The following RCHY1 variants were observed in gnomAD, a reference collection of about 807,000 sequenced individuals.
The protein encoded by RCHY1 is ring finger and CHY zinc finger domain containing 1, also known as RING finger and CHY zinc finger domain-containing protein 1.
Under a neutral mutation model 41.6 loss-of-function variants are expected in RCHY1, and 21 were observed. The ratio of observed to expected loss-of-function variants is 0.51; its 90% confidence interval spans 0.36 to 0.73. The LOEUF (loss-of-function observed/expected upper bound fraction) is 0.73. Among genes scored for constraint, RCHY1 ranks in the 30% least tolerant of loss-of-function variants. RCHY1 has a pLI of 0.00. For synonymous variants in RCHY1, 79 were observed against 102.9 expected, an observed-to-expected ratio of 0.77 and a Z score of 1.41; for missense variants, 265 against 325.3, an observed-to-expected ratio of 0.81 and a Z score of 1.43.
chr4:75,484,470 T>TG (rs1281831880), intron 8 of RCHY1, among the ~76,000 whole-genome samples: 2 of 151,276 alleles, frequency 1.3e-5, no homozygotes, highest in East Asian at 3.9e-4. Flanking sequence ...CAGCAGGGGG[T>TG]GGGGGTGCAA....
intron 3 of RCHY1, among the ~76,000 whole-genome samples, chr4:75,506,178 T>C (rs1481713460): frequency 6.8e-6 from 1 of 146,920 alleles, no homozygotes; most frequent in Non-Finnish European, 1.5e-5. Flanking sequence ...CAATGCTAAA[T>C]TGGATTAAGG....
At position 75,479,101 on chromosome 4, in the gene RCHY1, T is replaced by C. The variant is rs1033653254; in HGVS notation, c.*3437A>G. 15 of 152,240 alleles carry C rather than the reference T, an allele frequency of 9.9e-5. No individual in the cohort carries two copies. The highest frequency in any genetic ancestry group is 9.2e-4 in the Admixed American group (14 of 15,298). The allele number at this position is 152,240 out of a possible 1,614,324, so 9.4% of individuals were successfully genotyped here. On this transcript the variant is annotated 3_prime_UTR_variant, in exon 9 of 9. Coordinates refer to ENST00000324439, the MANE Select transcript of RCHY1 (RefSeq NM_015436.4). ...AATGGTGAGTATAATAAATAATGCA[T>C]TGTACATTTCAAAAATATTAAGAGT...
At chr4:75,512,014 C>A (rs1049149446) in intron 1 of RCHY1, among the ~76,000 whole-genome samples, 1 of 152,146 alleles carries the variant, frequency 6.6e-6, no homozygotes, top group Non-Finnish European at 1.5e-5. Flanking sequence ...TACTCCAAGT[C>A]TCCCCTTGCA....
intron 1 of RCHY1, 175 bp downstream of exon 1, chr4:75,514,022 G>A: frequency 1.1e-6 from 1 of 940,256 alleles, no homozygotes; most frequent in South Asian, 2.0e-5. Flanking sequence ...AGGAAAGGTG[G>A]GGCTTATCGC....
rs555886092 is a variant in RCHY1 at position 75,490,068 on chromosome 4, G to A, written c.657+513C>T. Among the ~76,000 whole-genome samples the A allele has an allele frequency of 5.9e-5, 9 of 152,154 alleles. No homozygotes were observed. In the East Asian group the frequency reaches 1.5e-3, roughly 26 times the overall value. On this transcript the variant is annotated intron_variant, in intron 8 of 8. Coordinates refer to ENST00000324439, the MANE Select transcript of RCHY1 (RefSeq NM_015436.4). ...AATTATGACTCTTATCTCTCAATTT[G>A]TTCCTTGCTTATGATTCTGTGAACA...
In RCHY1 at chr4:75,482,487, G is replaced by A; in HGVS notation, c.*51C>T. 2 of 1,524,820 alleles carry A rather than the reference G, an allele frequency of 1.3e-6. No homozygotes were observed. The highest frequency in any genetic ancestry group is 1.8e-6 in the Non-Finnish European group (2 of 1,132,234). 94.5% of individuals were successfully genotyped at this position (1,524,820 alleles called of 1,614,324 possible). On this transcript the variant is annotated 3_prime_UTR_variant, in exon 9 of 9. Transcript: ENST00000324439. ...ACATGATAACACGATACCAAGGAAA[G>A]CCTTTTTCTATATCAGAAAATGCCA...
At chr4:75,487,462 T>C (rs897746345) in intron 8 of RCHY1, among the ~76,000 whole-genome samples, 1 of 139,142 alleles carries the variant, frequency 7.2e-6, no homozygotes, top group African/African-American at 2.6e-5. Flanking sequence ...TATAGTCATA[T>C]ATATATTCAC....
At chr4:75,496,478 T>C (rs1456542380) in intron 3 of RCHY1, among the ~76,000 whole-genome samples, 1 of 151,954 alleles carries the variant, frequency 6.6e-6, no homozygotes, top group South Asian at 2.1e-4. Context: ...CATCAGCACA[T>C]GGATGTAAGA....
intron 3 of RCHY1, among the ~76,000 whole-genome samples, chr4:75,498,632 G>GT (rs1268426419): frequency 6.6e-6 from 1 of 151,936 alleles, no homozygotes; most frequent in African/African-American, 2.4e-5. Flanking sequence ...ACATATAAAT[G>GT]TATGCATTTA....
At chr4:75,496,601 G>A (rs766901064) in intron 3 of RCHY1, among the ~76,000 whole-genome samples, 7 of 152,100 alleles carry the variant, frequency 4.6e-5, no homozygotes, top group South Asian at 2.1e-4. Flanking sequence ...CTCATAATTC[G>A]CAGGCTCCGG....
chr4:75,510,496 C>T (rs1357119123), intron 1 of RCHY1, among the ~76,000 whole-genome samples: 1 of 152,168 alleles, frequency 6.6e-6, no homozygotes, highest in Admixed American at 6.5e-5. Context: ...CTTACCATAA[C>T]GTAGTTCATT....
Position 75,505,917 on chromosome 4 carries a change from A to T in RCHY1, c.326+2903T>A, listed in dbSNP as rs529869333. ...AAACTGTGCTGTGACAAGCTAAGAA[A>T]CTAAACAGAGAGCAACAGGTAAGAG... is the stretch of plus-strand genomic sequence containing the variant. On this transcript the variant is annotated intron_variant, in intron 3 of 8. Coordinates refer to ENST00000324439, the MANE Select transcript of RCHY1 (RefSeq NM_015436.4). Among the ~76,000 whole-genome samples, 13 of 152,204 alleles carry T rather than the reference A, an allele frequency of 8.5e-5. No individual in the cohort carries two copies. In the South Asian group the frequency reaches 2.7e-3, roughly 32 times the overall value.
At chr4:75,496,316 C>T (rs1723201884) in intron 3 of RCHY1, among the ~76,000 whole-genome samples, 1 of 151,992 alleles carries the variant, frequency 6.6e-6, no homozygotes, top group Admixed American at 6.6e-5. Context: ...GAGGCCAGGA[C>T]AGGTTAGAAG....
At chr4:75,482,733 T>C (rs1721624926) in intron 8 of RCHY1, 67 bp from the exon 9 acceptor site, 1 of 1,104,664 alleles carries the variant, frequency 9.1e-7, no homozygotes, top group South Asian at 2.3e-5. Context: ...TGTCTACTCA[T>C]AATCCCTTGA....
chr4:75,494,377 G>C (rs1722998253), intron 3 of RCHY1, 198 bp from the exon 4 acceptor site: 1 of 451,656 alleles, frequency 2.2e-6, no homozygotes, highest in Non-Finnish European at 4.0e-6. Context: ...CCCTTCTAGG[G>C]CTTTTTTTTC....
Position 75,482,582 on chromosome 4 carries a change from T to C in RCHY1, c.742A>G (p.Thr248Ala). The C allele has an allele frequency of 3.7e-6, 6 of 1,612,764 alleles. No individual in the cohort carries two copies. Among genetic ancestry groups the C allele is most frequent in the Non-Finnish European group, 5.1e-6 (6 of 1,179,138 alleles). ...ATTCTACGTCCTCCAGCTTGAGCAG[T>C]ATTATAGGATTCACAAATCTTACAT... ...MKCKICESYNTAQAGGRRISL... is the reference protein window; with the variant it reads ...MKCKICESYNAAQAGGRRISL... Residue 248 changes from threonine to alanine, a missense_variant, in exon 9 of 9, where the codon ACT becomes GCT. Coordinates refer to ENST00000324439, the MANE Select transcript of RCHY1 (RefSeq NM_015436.4).
intron 3 of RCHY1, among the ~76,000 whole-genome samples, chr4:75,500,893 GAATT>G (rs1276699326): frequency 2.0e-5 from 3 of 151,982 alleles, no homozygotes; most frequent in Non-Finnish European, 4.4e-5. Context: ...AAAAATACAG[GAATT>G]AATACATTCA....
intron 3 of RCHY1, among the ~76,000 whole-genome samples, 189 bp downstream of exon 3, chr4:75,508,631 G>A (rs1724564336): frequency 6.6e-6 from 1 of 152,046 alleles, no homozygotes; most frequent in Non-Finnish European, 1.5e-5. Flanking sequence ...TTTTAGAATG[G>A]ATATGTTCTA....
Position 75,491,791 on chromosome 4 carries a change from G to C in RCHY1, c.451-9C>G. 1 of 1,612,354 alleles carries C rather than the reference G, an allele frequency of 6.2e-7. No homozygotes were observed. Among genetic ancestry groups the C allele is most frequent in the Non-Finnish European group, 8.5e-7 (1 of 1,178,842 alleles). On this transcript the variant is annotated splice_polypyrimidine_tract_variant and intron_variant, in intron 5 of 8. Coordinates refer to ENST00000324439, the MANE Select transcript of RCHY1 (RefSeq NM_015436.4). ...CGGGATGTGTGAATGTCCTGTAAAT[G>C]AAATAAATGTTAGTGCTTGTATGAA...
Sources: gnomAD v4.1 joint callset for allele counts (sites outside exome capture counted in the v4.1 genomes callset) on GRCh38, gnomAD v4.1.1 for gene constraint, MANE v1.5 for transcripts, NCBI Gene and HGNC (gene_info 2026-07-23, HGNC 2026-07-21) for gene names.